CARD6: variants seen among roughly 807,000 people sequenced by gnomAD.
CARD6 encodes caspase recruitment domain family member 6.
In CARD6, 27 loss-of-function variants were observed where a neutral mutation model predicts 23.6. That is an observed-to-expected ratio of 1.14 (90% CI 0.84 to 1.58). CARD6 has a LOEUF of 1.58. CARD6 is among the 40% of genes most tolerant of loss of function. CARD6 has a pLI of 0.00. For synonymous variants in CARD6, 397 were observed against 431.8 expected, an observed-to-expected ratio of 0.92 and a Z score of 1.00; for missense variants, 1,214 against 1,209.9, an observed-to-expected ratio of 1.00 and a Z score of -0.05.
rs749056838 is a variant in CARD6 at position 40,853,809 on chromosome 5, T to C, written c.2477T>C (p.Val826Ala). ...CTGCCAAGACCCATTTGTCAGCATGTACAGGCCTGCCCTGAGAGACCACAA... is the reference window on the plus strand; with the variant it reads ...CTGCCAAGACCCATTTGTCAGCATGCACAGGCCTGCCCTGAGAGACCACAA... ...GRLPRPICQH[V>A]QACPERPQMM... Residue 826 changes from valine (V) to alanine (A), a missense_variant, in exon 3 of 3, where the codon GTA becomes GCA. Coordinates refer to ENST00000254691, the MANE Select transcript of CARD6 (RefSeq NM_032587.4). 57 of 1,614,076 alleles carry C rather than the reference T, an allele frequency of 3.5e-5. No homozygotes were observed. Among genetic ancestry groups the C allele is most frequent in the Non-Finnish European group, 4.7e-5 (56 of 1,180,032 alleles).
chr5:40,842,845 C>T (rs1745885876), intron 1 of CARD6, among the ~76,000 whole-genome samples: 1 of 152,082 alleles, frequency 6.6e-6, no homozygotes, highest in South Asian at 2.1e-4. Context: ...TGAGACCAGC[C>T]TGACCAACAT....
intron 1 of CARD6, 140 bp downstream of exon 1, chr5:40,841,805 G>A (rs1745866710): frequency 1.4e-6 from 1 of 710,074 alleles, no homozygotes. Flanking sequence ...ATATGAAATA[G>A]GGAAAAACTG....
At chr5:40,850,778 G>T (rs1746051964) in intron 2 of CARD6, among the ~76,000 whole-genome samples, 1 of 143,732 alleles carries the variant, frequency 7.0e-6, no homozygotes, top group Non-Finnish European at 1.5e-5. Context: ...TCTCATAGAT[G>T]TATATAATTT....
chr5:40,846,632 C>T (rs1009003031), intron 2 of CARD6, among the ~76,000 whole-genome samples: 12 of 152,162 alleles, frequency 7.9e-5, no homozygotes, highest in Admixed American at 4.6e-4. Context: ...CTGGTAGCTT[C>T]GTGCATTCCT....
At chr5:40,847,384 T>C (rs1745983444) in intron 2 of CARD6, among the ~76,000 whole-genome samples, 1 of 152,220 alleles carries the variant, frequency 6.6e-6, no homozygotes, top group Admixed American at 6.5e-5. Context: ...CAGCTTGTTG[T>C]TGGGTTCAAC....
chr5:40,848,163 G>A (rs2112172063), intron 2 of CARD6, among the ~76,000 whole-genome samples: 1 of 149,476 alleles, frequency 6.7e-6, no homozygotes, highest in Non-Finnish European at 1.5e-5. Flanking sequence ...ATTTTTTTCT[G>A]AGAATTCCTA....
Position 40,854,432 on chromosome 5 carries a change from G to T in CARD6, c.3100G>T (p.Gly1034Ter), listed in dbSNP as rs1426249035. 1.2e-6 allele frequency: 2 copies of T among 1,613,174 alleles called. No homozygotes were observed. Among genetic ancestry groups the T allele is most frequent in the African/African-American group, 1.3e-5 (1 of 74,988 alleles). ...CCACTCAAAAGCAGGGCAGAAGAGG[G>T]GAGGGAAGCATTAAAGAGCTAACTC... ...AHHSKAGQKR[G>*]GKH Residue 1034 changes from glycine to a stop codon, truncating the protein, a stop_gained, in exon 3 of 3, where the codon GGA becomes TGA. Transcript: ENST00000254691. LOFTEE classifies it high-confidence loss of function.
In CARD6 at chr5:40,841,511, G is replaced by C. The variant is rs780084390; in HGVS notation, c.129G>C (p.Glu43Asp). Reference protein sequence around the residue: ...LTSRRLISEEEYETLENVTDL... With the variant: ...LTSRRLISEEDYETLENVTDL... Reference sequence around the variant, plus strand: ...CTCGGAGGCTGATTTCTGAGGAAGAGTATGAGACTCTGGAGAATGTTACAG... The same window carrying C: ...CTCGGAGGCTGATTTCTGAGGAAGACTATGAGACTCTGGAGAATGTTACAG... Residue 43 changes from glutamate (E) to aspartate (D), a missense_variant, in exon 1 of 3, where the codon GAG becomes GAC. Coordinates refer to ENST00000254691, the MANE Select transcript of CARD6 (RefSeq NM_032587.4). 1 of 1,614,092 alleles carries C rather than the reference G, an allele frequency of 6.2e-7. No homozygotes were observed. Among genetic ancestry groups the C allele is most frequent in the Non-Finnish European group, 8.5e-7 (1 of 1,179,992 alleles).
At chr5:40,848,763 A>G (rs1040160770) in intron 2 of CARD6, among the ~76,000 whole-genome samples, 1 of 151,976 alleles carries the variant, frequency 6.6e-6, no homozygotes, top group Non-Finnish European at 1.5e-5. Flanking sequence ...CTCCTTTTCC[A>G]TGGGTGGCAG....
In CARD6 at chr5:40,854,451, C is replaced by T. The variant is rs1579808405; in HGVS notation, c.*5C>T. ...AAGAGGGGAGGGAAGCATTAAAGAGCTAACTCCAGAGATCTATAAAGCATA... is the reference window on the plus strand; with the variant it reads ...AAGAGGGGAGGGAAGCATTAAAGAGTTAACTCCAGAGATCTATAAAGCATA... On this transcript the variant is annotated 3_prime_UTR_variant, in exon 3 of 3. Coordinates refer to ENST00000254691, the MANE Select transcript of CARD6 (RefSeq NM_032587.4). 1 of 1,602,734 alleles carries T rather than the reference C, an allele frequency of 6.2e-7. No individual in the cohort carries two copies. Among genetic ancestry groups the T allele is most frequent in the African/African-American group, 1.3e-5 (1 of 74,754 alleles).
chr5:40,851,984 G>T (rs560202447), intron 2 of CARD6, among the ~76,000 whole-genome samples, 190 bp from the exon 3 acceptor site: 82 of 152,006 alleles, frequency 5.4e-4, no homozygotes, highest in African/African-American at 1.9e-3. Flanking sequence ...AAGTAGCCAG[G>T]CATGGTGGTG....
intron 2 of CARD6, 83 bp downstream of exon 2, chr5:40,843,792 G>GA (rs1745920533): frequency 1.1e-6 from 1 of 900,440 alleles, no homozygotes; most frequent in Admixed American, 3.3e-5. Context: ...GATGGGGGAT[G>GA]AAAAAGGGAC....
At chr5:40,846,656 G>A (rs114192505) in intron 2 of CARD6, among the ~76,000 whole-genome samples, 2,765 of 152,074 alleles carry the variant, frequency 0.018, 89 homozygotes, top group African/African-American at 0.062. Flanking sequence ...CTTACAGATG[G>A]CCATTTTCTC....
chr5:40,853,610 G>C lies in CARD6; in HGVS notation c.2278G>C (p.Glu760Gln). ...SWVMGRPFGSEQRPKWFHPLP... is the reference protein window; with the variant it reads ...SWVMGRPFGSQQRPKWFHPLP... ...GGTTATGGGCCGCCCCTTTGGGTCA[G>C]AGCAGAGGCCTAAGTGGTTCCATCC... The change falls in exon 3 of 3, where the codon GAG (glutamate) becomes CAG (glutamine). Residue 760 changes from glutamate to glutamine, a missense_variant. Transcript: ENST00000254691. The C allele has an allele frequency of 6.2e-7, 1 of 1,614,250 alleles. No homozygotes were observed. The highest frequency in any genetic ancestry group is 1.1e-5 in the South Asian group (1 of 91,090).
intron 2 of CARD6, among the ~76,000 whole-genome samples, chr5:40,846,611 TCTCCTAGC>T: frequency 6.6e-6 from 1 of 152,266 alleles, no homozygotes; most frequent in Middle Eastern, 3.4e-3. Context: ...CTCAGGCTTC[TCTCCTAGC>T]CCCTGGTAGC....
rs369464771 is a variant in CARD6, at chr5:40,843,987, T to C, written c.841+278T>C. Reference sequence around the variant, plus strand: ...AGTTCGTATAAGGAGTTGCCAATCATTAATTTCCCATTATACGTACGAGGA... The same window carrying C: ...AGTTCGTATAAGGAGTTGCCAATCACTAATTTCCCATTATACGTACGAGGA... On this transcript the variant is annotated intron_variant, in intron 2 of 2. Transcript: ENST00000254691. Among the ~76,000 whole-genome samples, 3 of 152,350 alleles carry C rather than the reference T, an allele frequency of 2.0e-5. No homozygotes were observed. The East Asian group carries it at 5.8e-4, about 29-fold the overall frequency.
chr5:40,842,192 T>C (rs540004802), intron 1 of CARD6, among the ~76,000 whole-genome samples: 170 of 152,320 alleles, frequency 1.1e-3, no homozygotes, highest in Non-Finnish European at 4.7e-4. Context: ...CAGTGCTAAT[T>C]CTTAAATGGT....
chr5:40,852,975 A>G lies in CARD6; in HGVS notation c.1643A>G (p.Glu548Gly). Residue 548 changes from glutamate to glycine, a missense_variant, in exon 3 of 3, where the codon GAA becomes GGA. Transcript: ENST00000254691. ...SFWTQFGFLM[E>G]VSSAVFFFTD... Reference sequence around the variant, plus strand: ...TGGACTCAGTTTGGTTTTTTGATGGAAGTTTCTTCAGCTGTGTTTTTTTTC... The same window carrying G: ...TGGACTCAGTTTGGTTTTTTGATGGGAGTTTCTTCAGCTGTGTTTTTTTTC... The G allele has an allele frequency of 6.2e-7, 1 of 1,614,106 alleles. No homozygotes were observed. The highest frequency in any genetic ancestry group is 8.5e-7 in the Non-Finnish European group (1 of 1,180,008).
Position 40,854,558 on chromosome 5 carries a change from A to C in CARD6, c.*112A>C. 1.2e-6 allele frequency: 1 copy of C among 854,430 alleles called. No individual in the cohort carries two copies. Among genetic ancestry groups the C allele is most frequent in the Non-Finnish European group, 1.9e-6 (1 of 539,266 alleles). The allele number at this position is 854,430 out of a possible 1,614,324, so 52.9% of individuals were successfully genotyped here. A position where few individuals can be genotyped will look rare whatever the true frequency, so the allele number is the denominator to read the frequency against. On this transcript the variant is annotated 3_prime_UTR_variant, in exon 3 of 3. Transcript: ENST00000254691. ...AAAGACTACTGTCATTAGCATGTAA[A>C]ACAAAGAAAGATATACATGACTGAA...
Sources: gnomAD v4.1 joint callset for allele counts (sites outside exome capture counted in the v4.1 genomes callset) on GRCh38, gnomAD v4.1.1 for gene constraint, MANE v1.5 for transcripts, NCBI Gene and HGNC (gene_info 2026-07-23, HGNC 2026-07-21) for gene names.